The following CLPB variants were observed in gnomAD, a reference collection of about 807,000 sequenced individuals.
The protein encoded by CLPB is ClpB family mitochondrial disaggregase.
A neutral mutation model predicts 78.4 loss-of-function variants in CLPB; 40 were observed. That is an observed-to-expected ratio of 0.51 (90% CI 0.40 to 0.66). CLPB has a LOEUF of 0.66. Among genes scored for constraint, CLPB ranks in the 30% least tolerant of loss-of-function variants. The pLI is 0.00. For synonymous variants in CLPB, 333 were observed against 348.0 expected (o/e 0.96, Z 0.48); for missense variants, 780 against 886.9 (o/e 0.88, Z 1.53).
intron 6 of CLPB, 116 bp downstream of exon 6, chr11:72,329,591 A>G (rs747182964): frequency 2.0e-5 from 13 of 636,474 alleles, no homozygotes; most frequent in Non-Finnish European, 3.7e-5. Context: ...ATTTAAACAG[A>G]TAATAATCAC....
chr11:72,424,824 T>G (rs529194064), intron 2 of CLPB, among the ~76,000 whole-genome samples: 180 of 151,828 alleles, frequency 1.2e-3, no homozygotes, highest in African/African-American at 4.2e-3. Flanking sequence ...TGGCGGAGTT[T>G]GCAGTGAGCC....
intron 4 of CLPB, among the ~76,000 whole-genome samples, chr11:72,376,655 T>A (rs868636437): frequency 9.9e-5 from 15 of 152,002 alleles, no homozygotes; most frequent in African/African-American, 2.4e-4. Context: ...TATTATTATT[T>A]TTTTTTAACA....
At chr11:72,322,714 C>T (rs1234927553) in intron 6 of CLPB, among the ~76,000 whole-genome samples, 5 of 152,184 alleles carry the variant, frequency 3.3e-5, no homozygotes, top group Admixed American at 3.3e-4. Flanking sequence ...GTCTTAACTT[C>T]GATCACTAGG....
At chr11:72,349,806 G>A (rs1311376630) in intron 5 of CLPB, among the ~76,000 whole-genome samples, 3 of 152,258 alleles carry the variant, frequency 2.0e-5, no homozygotes, top group Non-Finnish European at 2.9e-5. Flanking sequence ...CTGACTCAGC[G>A]CTGTTTCCAG....
intron 7 of CLPB, among the ~76,000 whole-genome samples, chr11:72,313,513 C>T (rs1478304222): frequency 1.3e-5 from 2 of 152,192 alleles, no homozygotes; most frequent in Non-Finnish European, 2.9e-5. Flanking sequence ...TGTGCCCAAC[C>T]TTACAGAAAA....
At chr11:72,422,692 T>C (rs1207824970) in intron 2 of CLPB, among the ~76,000 whole-genome samples, 2 of 152,350 alleles carry the variant, frequency 1.3e-5, no homozygotes, top group Non-Finnish European at 1.5e-5. Context: ...ATGTTTTGGT[T>C]GCTCTGATGC....
rs1856241768 is a variant in CLPB at position 72,422,551 on chromosome 11, C to A, written c.455+7761G>T. Among the ~76,000 whole-genome samples, 3 of 152,196 alleles carry A rather than the reference C, an allele frequency of 2.0e-5. No homozygotes were observed. The South Asian group carries it at 6.2e-4, about 31-fold the overall frequency. ...AAAACTGTGTGATGATCTTCAGAAGCTCTCACTATAAGTATCAAATTACAG... is the reference window on the plus strand; with the variant it reads ...AAAACTGTGTGATGATCTTCAGAAGATCTCACTATAAGTATCAAATTACAG... On this transcript the variant is annotated intron_variant, in intron 2 of 15. Transcript: ENST00000538039.
chr11:72,373,300 C>T (rs932423787), intron 4 of CLPB, among the ~76,000 whole-genome samples: 1 of 152,290 alleles, frequency 6.6e-6, no homozygotes, highest in Middle Eastern at 3.4e-3. Flanking sequence ...TTTCTGACAG[C>T]CCCAGACACC....
At chr11:72,301,231 A>C (rs1949649869) in intron 11 of CLPB, among the ~76,000 whole-genome samples, 1 of 152,192 alleles carries the variant, frequency 6.6e-6, no homozygotes, top group Admixed American at 6.5e-5. Flanking sequence ...CGAGCAGGGG[A>C]ACTGGACAGT....
intron 11 of CLPB, 76 bp from the exon 12 acceptor site, chr11:72,295,724 C>T (rs539315332): frequency 1.4e-6 from 2 of 1,472,256 alleles, no homozygotes; most frequent in East Asian, 2.4e-5. Context: ...CAGTTCTCAC[C>T]TCCTTCAGGA....
intron 5 of CLPB, among the ~76,000 whole-genome samples, chr11:72,348,521 C>T (rs1338299203): frequency 6.6e-6 from 1 of 152,186 alleles, no homozygotes; most frequent in African/African-American, 2.4e-5. Context: ...AAGCTTCCTT[C>T]CTTCTCTCTC....
chr11:72,288,145 G>GT lies in CLPB; in HGVS notation c.*5221dup, dbSNP rs1426883221. 1 of 151,922 alleles carries GT rather than the reference G, an allele frequency of 6.6e-6. No homozygotes were observed. The highest frequency in any genetic ancestry group is 1.5e-5 in the Non-Finnish European group (1 of 68,018). 9.4% of individuals were successfully genotyped at this position (151,922 alleles called of 1,614,324 possible). ...GTTTTTCTTTTTGAACAATAAACAT[G>GT]TTACACTTTCATTTCCAAGTCTGGT... On this transcript the variant is annotated 3_prime_UTR_variant, in exon 16 of 16. Transcript: ENST00000538039.
rs929197401 is a variant in CLPB at position 72,287,872 on chromosome 11, T to A, written c.*5495A>T. The A allele has an allele frequency of 1.3e-5, 2 of 152,246 alleles. No individual in the cohort carries two copies. Among genetic ancestry groups the A allele is most frequent in the Non-Finnish European group, 1.5e-5 (1 of 67,992 alleles). The allele number at this position is 152,246 out of a possible 1,614,324, so 9.4% of individuals were successfully genotyped here. On this transcript the variant is annotated 3_prime_UTR_variant, in exon 16 of 16. Coordinates refer to ENST00000538039, the MANE Select transcript of CLPB (RefSeq NM_001258392.3). Reference sequence around the variant, plus strand: ...AATTTCTCATGCCTAATTTTGTTAATTTTTTTGGCTCCTTTCCCCTTTTAT... The same window carrying A: ...AATTTCTCATGCCTAATTTTGTTAAATTTTTTGGCTCCTTTCCCCTTTTAT...
chr11:72,356,020 G>GCTACCCATGC (rs1436648667), intron 5 of CLPB, among the ~76,000 whole-genome samples: 1 of 152,160 alleles, frequency 6.6e-6, no homozygotes, highest in Non-Finnish European at 1.5e-5. Flanking sequence ...GGTAGCTCAT[G>GCTACCCATGC]CCTGTAATCC....
chr11:72,317,615 T>C (rs1590786972), intron 6 of CLPB, among the ~76,000 whole-genome samples: 1 of 152,262 alleles, frequency 6.6e-6, no homozygotes, highest in African/African-American at 2.4e-5. Flanking sequence ...CCTAGCATCA[T>C]GCTTGGCATG....
At chr11:72,375,105 C>G (rs1249580247) in intron 4 of CLPB, among the ~76,000 whole-genome samples, 1 of 152,170 alleles carries the variant, frequency 6.6e-6, no homozygotes, top group Non-Finnish European at 1.5e-5. Flanking sequence ...CAAAGATCAC[C>G]TTTAGGAATC....
intron 1 of CLPB, among the ~76,000 whole-genome samples, chr11:72,432,923 C>T (rs1048650574): frequency 6.6e-6 from 1 of 152,180 alleles, no homozygotes; most frequent in African/African-American, 2.4e-5. Context: ...CTATGGACAC[C>T]ATGCCTCAGT....
chr11:72,324,969 T>C (rs1950106106), intron 6 of CLPB, among the ~76,000 whole-genome samples: 1 of 152,012 alleles, frequency 6.6e-6, no homozygotes, highest in East Asian at 1.9e-4. Context: ...ATAAAATATA[T>C]AGGATAGGCC....
intron 5 of CLPB, chr11:72,336,726 T>C (rs1244693493): frequency 9.9e-6 from 2 of 202,652 alleles, no homozygotes; most frequent in Non-Finnish European, 2.0e-5. Context: ...CTTCTGATTA[T>C]GGGAAATCCT....
Sources: allele counts gnomAD v4.1 joint callset (sites outside exome capture counted in the v4.1 genomes callset), GRCh38; gene constraint gnomAD v4.1.1; transcripts MANE v1.5; gene names NCBI Gene and HGNC (gene_info 2026-07-23, HGNC 2026-07-21).